The following MICU2 variants were observed in gnomAD, a reference collection of about 807,000 sequenced individuals.
The protein encoded by MICU2 is calcium uptake protein 2, mitochondrial.
Under a neutral mutation model 60.4 loss-of-function variants are expected in MICU2, and 64 were observed. The ratio of observed to expected loss-of-function variants is 1.06; its 90% CI spans 0.87 to 1.31. The LOEUF is 1.31. Among genes scored for constraint, MICU2 ranks in the 50% most tolerant of loss-of-function variants. MICU2 has a pLI of 0.00. For synonymous variants in MICU2, 201 were observed against 175.0 expected (o/e 1.15, Z -1.17); for missense variants, 569 against 531.0 (o/e 1.07, Z -0.70).
At chr13:21,546,455 A>G (rs2138011353) in intron 2 of MICU2, among the ~76,000 whole-genome samples, 1 of 152,328 alleles carries the variant, frequency 6.6e-6, no homozygotes, top group Non-Finnish European at 1.5e-5. Flanking sequence ...GCTTCTCCAA[A>G]TATGAGCTGC....
intron 4 of MICU2, among the ~76,000 whole-genome samples, chr13:21,538,870 C>A (rs1887203904): frequency 6.6e-6 from 1 of 152,080 alleles, no homozygotes; most frequent in African/African-American, 2.4e-5. Context: ...ATAGAGGATA[C>A]TTCTCAGTCC....
intron 1 of MICU2, among the ~76,000 whole-genome samples, chr13:21,595,689 C>T (rs1057240624): frequency 9.2e-5 from 14 of 152,250 alleles, no homozygotes; most frequent in Admixed American, 6.5e-5. Flanking sequence ...CAATGGTAGG[C>T]TCCTTCTACA....
chr13:21,507,926 C>T (rs1390498777), intron 8 of MICU2, among the ~76,000 whole-genome samples: 2 of 151,508 alleles, frequency 1.3e-5, no homozygotes, highest in African/African-American at 2.4e-5. Flanking sequence ...TTTTCTTTCT[C>T]TCTTTCTTTC....
At chr13:21,580,063 G>A (rs563273387) in intron 1 of MICU2, among the ~76,000 whole-genome samples, 14 of 152,090 alleles carry the variant, frequency 9.2e-5, no homozygotes, top group Non-Finnish European at 2.1e-4. Flanking sequence ...TAGAACCAGG[G>A]TCACTTTTCT....
intron 9 of MICU2, among the ~76,000 whole-genome samples, chr13:21,502,421 C>A (rs964736101): frequency 2.1e-4 from 32 of 152,084 alleles, no homozygotes; most frequent in African/African-American, 7.7e-4. Context: ...TATATACACA[C>A]ACATATGCAT....
chr13:21,601,131 A>C (rs1342253617), intron 1 of MICU2, among the ~76,000 whole-genome samples: 1 of 152,184 alleles, frequency 6.6e-6, no homozygotes, highest in Non-Finnish European at 1.5e-5. Flanking sequence ...CCGCGTCAGG[A>C]AGAGTTTACC....
chr13:21,554,040 T>G lies in MICU2; in HGVS notation c.358+12757A>C, dbSNP rs1887639923. Among the ~76,000 whole-genome samples the G allele has an allele frequency of 3.3e-5, 5 of 152,258 alleles. No homozygotes were observed. The South Asian group carries it at 1.0e-3, about 32-fold the overall frequency. ...CACCCAGATTCATAAAGCAAGTCCT[T>G]AGTGACCTACAGAGAGACTTAGACT... On this transcript the variant is annotated intron_variant, in intron 2 of 11. Transcript: ENST00000382374.
At chr13:21,540,474 C>A (rs947152052) in intron 2 of MICU2, among the ~76,000 whole-genome samples, 4 of 152,148 alleles carry the variant, frequency 2.6e-5, no homozygotes, top group Non-Finnish European at 4.4e-5. Context: ...ATTACGCAGT[C>A]TGTAGAAATT....
chr13:21,538,576 A>AAC (rs1887194819), intron 4 of MICU2, among the ~76,000 whole-genome samples: 1 of 151,100 alleles, frequency 6.6e-6, no homozygotes, highest in Non-Finnish European at 1.5e-5. Flanking sequence ...AAAAAAAAAA[A>AAC]AAAACCCCAA....
intron 2 of MICU2, among the ~76,000 whole-genome samples, chr13:21,557,719 C>T (rs1179791903): frequency 6.6e-6 from 1 of 152,008 alleles, no homozygotes; most frequent in Non-Finnish European, 1.5e-5. Flanking sequence ...GATTATTATC[C>T]TTCTTATCCA....
chr13:21,585,929 A>G (rs1888447085), intron 1 of MICU2, among the ~76,000 whole-genome samples: 1 of 152,220 alleles, frequency 6.6e-6, no homozygotes, highest in Admixed American at 6.5e-5. Flanking sequence ...TAGAATTTTG[A>G]CAATTTTTAA....
In MICU2 at chr13:21,495,441, A is replaced by G. The variant is rs560991731; in HGVS notation, c.1043-123T>C. The G allele has an allele frequency of 2.2e-5, 22 of 992,860 alleles. No homozygotes were observed. In the East Asian group the frequency reaches 4.8e-4, roughly 22 times the overall value. 61.5% of individuals were successfully genotyped at this position (992,860 alleles called of 1,614,324 possible). A position where few individuals can be genotyped will look rare whatever the true frequency, so the allele number is the denominator to read the frequency against. On this transcript the variant is annotated intron_variant, in intron 10 of 11. Coordinates refer to ENST00000382374, the MANE Select transcript of MICU2 (RefSeq NM_152726.3). ...ATTTTTATTATTTGGGAAGTAAAACAAAAACAAAAATACCCATGAAGAAAA... is the reference window on the plus strand; with the variant it reads ...ATTTTTATTATTTGGGAAGTAAAACGAAAACAAAAATACCCATGAAGAAAA...
intron 1 of MICU2, among the ~76,000 whole-genome samples, chr13:21,586,646 A>T (rs1888465114): frequency 6.6e-6 from 1 of 152,112 alleles, no homozygotes; most frequent in Non-Finnish European, 1.5e-5. Flanking sequence ...TCCTGGCCTC[A>T]AGTAATCCTC....
intron 6 of MICU2, among the ~76,000 whole-genome samples, chr13:21,520,887 C>CT (rs1886701439): frequency 6.6e-6 from 1 of 152,004 alleles, no homozygotes; most frequent in Middle Eastern, 3.4e-3. Context: ...TATGTCTATT[C>CT]TTTTTGTATA....
chr13:21,537,238 C>T lies in MICU2; in HGVS notation c.466+2064G>A, dbSNP rs554797270. Among the ~76,000 whole-genome samples, 468 of 152,268 alleles carry T rather than the reference C, an allele frequency of 3.1e-3. 2 individuals are homozygous for T. Among genetic ancestry groups the T allele is most frequent in the African/African-American group, 0.011 (448 of 41,556 alleles). Reference sequence around the variant, plus strand: ...TCCTAACACTGTTAACTCCCTAGGCCGTGACTTCCTCCATTCTTCTGCCTA... The same window carrying T: ...TCCTAACACTGTTAACTCCCTAGGCTGTGACTTCCTCCATTCTTCTGCCTA... On this transcript the variant is annotated intron_variant, in intron 4 of 11. Transcript: ENST00000382374.
chr13:21,596,664 T>C (rs1321939110), intron 1 of MICU2, among the ~76,000 whole-genome samples: 1 of 152,132 alleles, frequency 6.6e-6, no homozygotes, highest in African/African-American at 2.4e-5. Flanking sequence ...TCTCAAGCGA[T>C]ACACCCGCCT....
chr13:21,573,119 T>A (rs1888150223), intron 1 of MICU2, among the ~76,000 whole-genome samples: 1 of 152,220 alleles, frequency 6.6e-6, no homozygotes, highest in African/African-American at 2.4e-5. Context: ...CAGGGCTATA[T>A]CTACATAAAC....
At chr13:21,493,538 A>G (rs1301402296) in intron 11 of MICU2, among the ~76,000 whole-genome samples, 185 bp from the exon 12 acceptor site, 3 of 152,202 alleles carry the variant, frequency 2.0e-5, no homozygotes, top group African/African-American at 7.2e-5. Flanking sequence ...AGTGAATGTA[A>G]CTATGCTTAA....
chr13:21,511,049 G>A (rs1180118527), intron 7 of MICU2, among the ~76,000 whole-genome samples: 1 of 152,156 alleles, frequency 6.6e-6, no homozygotes, highest in Admixed American at 6.5e-5. Context: ...ATAATCAGAA[G>A]CCCACAGGGT....
Sources: allele counts gnomAD v4.1 joint callset (sites outside exome capture counted in the v4.1 genomes callset), GRCh38; gene constraint gnomAD v4.1.1; transcripts MANE v1.5; gene names NCBI Gene and HGNC (gene_info 2026-07-23, HGNC 2026-07-21).